Variants in GLI2 observed in about 807,000 individuals in gnomAD.
The protein encoded by GLI2 is GLI family zinc finger 2.
GLI2 carries 22 observed loss-of-function variants against 78.9 expected under a neutral mutation model. The observed-to-expected ratio is 0.28, with a 90% CI of 0.20 to 0.40. GLI2 has a LOEUF of 0.40. GLI2 is among the 10% of genes least tolerant of loss of function. The probability of loss-of-function intolerance (pLI) is 1.00; values close to 1 mark genes in which losing one functional copy is unlikely to be tolerated. For synonymous variants in GLI2, 974 were observed against 963.7 expected, an observed-to-expected ratio of 1.01 and a Z score of -0.20; for missense variants, 2,097 against 2,213.2, an observed-to-expected ratio of 0.95 and a Z score of 1.05.
At chr2:120,939,809 T>G (rs6714890) in intron 3 of GLI2, among the ~76,000 whole-genome samples, 128,537 of 152,174 alleles carry the variant, frequency 0.84, 58,007 homozygotes, top group East Asian at 1. Context: ...TGAGTCACAG[T>G]GGATTCATGT....
intron 2 of GLI2, among the ~76,000 whole-genome samples, chr2:120,797,933 T>C (rs1315582617): frequency 2.0e-5 from 3 of 152,332 alleles, no homozygotes; most frequent in Admixed American, 1.3e-4. Flanking sequence ...GGTGAATTTT[T>C]GGCCAACTTA....
chr2:120,950,012 C>T (rs954778199), intron 3 of GLI2, among the ~76,000 whole-genome samples: 9 of 152,202 alleles, frequency 5.9e-5, no homozygotes, highest in Non-Finnish European at 1.2e-4. Context: ...GAGGGCCTCC[C>T]GGGCAATGCT....
At chr2:120,828,557 A>C (rs1686197000) in intron 2 of GLI2, among the ~76,000 whole-genome samples, 1 of 152,224 alleles carries the variant, frequency 6.6e-6, no homozygotes. Flanking sequence ...TGCAGCTTGC[A>C]CAGGTCTGTG....
intron 2 of GLI2, among the ~76,000 whole-genome samples, chr2:120,822,422 G>C (rs550998357): frequency 6.6e-6 from 1 of 152,304 alleles, no homozygotes; most frequent in East Asian, 1.9e-4. Context: ...TGTGTTCCCT[G>C]AATCCTGACC....
chr2:120,759,754 T>C (rs749904374), intron 1 of GLI2, among the ~76,000 whole-genome samples: 11 of 152,120 alleles, frequency 7.2e-5, no homozygotes, highest in Admixed American at 1.3e-4. Context: ...CCCCCGAGGT[T>C]GGAGGTAGGG....
intron 1 of GLI2, among the ~76,000 whole-genome samples, chr2:120,769,360 G>A (rs2104655180): frequency 6.6e-6 from 1 of 152,342 alleles, no homozygotes; most frequent in South Asian, 2.1e-4. Flanking sequence ...CCTTTCTGCT[G>A]CAGGATGGGG....
chr2:120,986,666 C>A, intron 13 of GLI2, 52 bp downstream of exon 13: 4 of 1,452,730 alleles, frequency 2.8e-6, no homozygotes, highest in Non-Finnish European at 3.9e-6. Flanking sequence ...TCTGGGGCAG[C>A]ACCAACTAGG....
chr2:120,937,631 G>A (rs1360802194), intron 3 of GLI2, among the ~76,000 whole-genome samples: 1 of 152,172 alleles, frequency 6.6e-6, no homozygotes, highest in East Asian at 1.9e-4. Context: ...TCTTCAGGTT[G>A]CCCTGTTCCA....
chr2:120,859,208 A>C (rs553350019), intron 2 of GLI2, among the ~76,000 whole-genome samples: 2 of 152,334 alleles, frequency 1.3e-5, no homozygotes, highest in Admixed American at 1.3e-4. Flanking sequence ...TGTCGTTTTT[A>C]CAGGTGAGGC....
At chr2:120,791,012 G>A (rs1684138898) in intron 1 of GLI2, among the ~76,000 whole-genome samples, 2 of 152,136 alleles carry the variant, frequency 1.3e-5, no homozygotes, top group Non-Finnish European at 1.5e-5. Flanking sequence ...GGGAGGGAGG[G>A]TACTCTGCAT....
In GLI2 at chr2:120,797,282, C is replaced by G; in HGVS notation, c.-30-9C>G. On this transcript the variant is annotated splice_polypyrimidine_tract_variant and intron_variant, in intron 1 of 13. Coordinates refer to ENST00000361492, the MANE Select transcript of GLI2 (RefSeq NM_001374353.1). ...CAGTGTTGGTGAGTGTCTTTGTCTT[C>G]TCTTTTAGGATTGCCACCCAGGACG... 6.2e-7 allele frequency: 1 copy of G among 1,611,856 alleles called. No homozygotes were observed. The highest frequency in any genetic ancestry group is 2.2e-5 in the East Asian group (1 of 44,856).
At chr2:120,793,475 G>A (rs1013016277) in intron 1 of GLI2, among the ~76,000 whole-genome samples, 2 of 152,174 alleles carry the variant, frequency 1.3e-5, no homozygotes, top group African/African-American at 4.8e-5. Flanking sequence ...AGGGCTTGAC[G>A]GGCCTGCCTC....
intron 2 of GLI2, among the ~76,000 whole-genome samples, chr2:120,907,677 G>C (rs192053114): frequency 6.6e-6 from 1 of 152,322 alleles, no homozygotes; most frequent in East Asian, 1.9e-4. Context: ...TTCCTTGACA[G>C]TTCCTCACTG....
In GLI2 at chr2:120,779,794, C is replaced by G. The variant is rs113036741; in HGVS notation, c.-30-17497C>G. Among the ~76,000 whole-genome samples the G allele has an allele frequency of 1.7e-4, 26 of 152,356 alleles. 1 individual carries two copies. The highest frequency in any genetic ancestry group is 3.4e-3 in the Middle Eastern group (1 of 294). On this transcript the variant is annotated intron_variant, in intron 1 of 13. Transcript: ENST00000361492. ...GCGGCCTGACCCCCTCAGCCTTGCTCCTAACCACTCCGCCATCCTGCCTCC... is the reference window on the plus strand; with the variant it reads ...GCGGCCTGACCCCCTCAGCCTTGCTGCTAACCACTCCGCCATCCTGCCTCC...
At chr2:120,865,684 C>T (rs1307106249) in intron 2 of GLI2, among the ~76,000 whole-genome samples, 1 of 152,210 alleles carries the variant, frequency 6.6e-6, no homozygotes, top group South Asian at 2.1e-4. Context: ...GCTGAAGCAG[C>T]GTCTGGTTTG....
chr2:120,928,285 G>C (rs1679788823), intron 3 of GLI2, among the ~76,000 whole-genome samples: 1 of 152,108 alleles, frequency 6.6e-6, no homozygotes, highest in Non-Finnish European at 1.5e-5. Context: ...GGTGCTGTCT[G>C]TGGTTCTGTC....
chr2:120,972,469 G>C (rs61264917), intron 8 of GLI2, among the ~76,000 whole-genome samples: 2 of 152,280 alleles, frequency 1.3e-5, no homozygotes, highest in African/African-American at 4.8e-5. Flanking sequence ...CCCCACCCTG[G>C]CTCCTTCGCT....
At chr2:120,892,867 T>C (rs1677745700) in intron 2 of GLI2, among the ~76,000 whole-genome samples, 1 of 152,186 alleles carries the variant, frequency 6.6e-6, no homozygotes. Flanking sequence ...TGCCCTGTCA[T>C]CTCCAAAATA....
chr2:120,961,949 G>T (rs11899063), intron 5 of GLI2, among the ~76,000 whole-genome samples: 8 of 152,250 alleles, frequency 5.3e-5, no homozygotes, highest in African/African-American at 1.4e-4. Context: ...CACAGAGAAG[G>T]CTCCTGGGAC....
Sources: gnomAD v4.1 joint callset for allele counts (sites outside exome capture counted in the v4.1 genomes callset) on GRCh38, gnomAD v4.1.1 for gene constraint, MANE v1.5 for transcripts, NCBI Gene and HGNC (gene_info 2026-07-23, HGNC 2026-07-21) for gene names.